Variants in ITFG1 observed in about 807,000 individuals in gnomAD.
ITFG1 encodes T-cell immunomodulatory protein.
Under a neutral mutation model 81.8 loss-of-function variants are expected in ITFG1, and 34 were observed. The observed-to-expected ratio is 0.42, with a 90% CI of 0.32 to 0.55. ITFG1 has a LOEUF of 0.55. ITFG1 is among the 20% of genes least tolerant of loss of function. The probability of loss-of-function intolerance (pLI) is 0.17; values close to 1 mark genes in which losing one functional copy is unlikely to be tolerated. For synonymous variants in ITFG1, 285 were observed against 270.6 expected, an observed-to-expected ratio of 1.05 and a Z score of -0.52; for missense variants, 672 against 755.4, an observed-to-expected ratio of 0.89 and a Z score of 1.29.
At chr16:47,208,928 G>A (rs1002526572) in intron 14 of ITFG1, among the ~76,000 whole-genome samples, 12 of 152,120 alleles carry the variant, frequency 7.9e-5, no homozygotes, top group African/African-American at 2.7e-4. Context: ...TCTGGGAATT[G>A]AGAGACAAGA....
intron 7 of ITFG1, among the ~76,000 whole-genome samples, chr16:47,370,277 C>G (rs1296081618): frequency 1.3e-5 from 2 of 152,136 alleles, no homozygotes; most frequent in African/African-American, 4.8e-5. Context: ...GGTAAAGTCC[C>G]CGACCAGAGT....
intron 10 of ITFG1, among the ~76,000 whole-genome samples, chr16:47,285,941 T>C (rs891653387): frequency 3.3e-5 from 5 of 152,188 alleles, no homozygotes; most frequent in Non-Finnish European, 5.9e-5. Flanking sequence ...TGCTAAATTA[T>C]TTGTAATTCC....
At chr16:47,438,680 T>G (rs1160730648) in intron 5 of ITFG1, among the ~76,000 whole-genome samples, 2 of 152,014 alleles carry the variant, frequency 1.3e-5, no homozygotes, top group Non-Finnish European at 2.9e-5. Context: ...AAAAAACTCA[T>G]CTATACGTCA....
chr16:47,158,731 G>T (rs1031271660), intron 17 of ITFG1, 142 bp downstream of exon 17: 2 of 489,026 alleles, frequency 4.1e-6, no homozygotes, highest in Non-Finnish European at 7.3e-6. Flanking sequence ...TCAATAAAAT[G>T]ATGCTTTGAA....
intron 6 of ITFG1, among the ~76,000 whole-genome samples, chr16:47,417,014 A>G (rs1340541215): frequency 6.6e-6 from 1 of 152,196 alleles, no homozygotes; most frequent in African/African-American, 2.4e-5. Flanking sequence ...ACTAATATGC[A>G]CTTATTTCAT....
intron 8 of ITFG1, among the ~76,000 whole-genome samples, chr16:47,345,955 T>C (rs933919570): frequency 6.6e-6 from 1 of 152,176 alleles, no homozygotes; most frequent in Non-Finnish European, 1.5e-5. Flanking sequence ...CTAGGAGACT[T>C]CAGTATCCCA....
At chr16:47,397,855 AC>A (rs974471763) in intron 6 of ITFG1, among the ~76,000 whole-genome samples, 5 of 152,188 alleles carry the variant, frequency 3.3e-5, no homozygotes, top group African/African-American at 1.2e-4. Flanking sequence ...GCAGGCAGCC[AC>A]GGGAACTAGC....
In ITFG1 at chr16:47,282,163, G is replaced by A. The variant is rs572995243; in HGVS notation, c.1071-21468C>T. Among the ~76,000 whole-genome samples, 9 of 151,548 alleles carry A rather than the reference G, an allele frequency of 5.9e-5. No individual in the cohort carries two copies. In the South Asian group the frequency reaches 8.3e-4, roughly 14 times the overall value. On this transcript the variant is annotated intron_variant, in intron 10 of 17. Coordinates refer to ENST00000320640, the MANE Select transcript of ITFG1 (RefSeq NM_030790.5). ...ATATATTGTACCCATGAGGCTGAGC[G>A]GGTATGAGGGATGAGAAATTACTAC...
intron 8 of ITFG1, among the ~76,000 whole-genome samples, chr16:47,315,696 A>C (rs1967343411): frequency 6.6e-6 from 1 of 152,050 alleles, no homozygotes; most frequent in Non-Finnish European, 1.5e-5. Context: ...AATTATCAGT[A>C]ATATTTTATA....
chr16:47,298,988 C>T (rs1967028898), intron 10 of ITFG1, among the ~76,000 whole-genome samples: 1 of 152,036 alleles, frequency 6.6e-6, no homozygotes, highest in African/African-American at 2.4e-5. Flanking sequence ...CACTCAGGCC[C>T]CCCATGGCAG....
intron 10 of ITFG1, among the ~76,000 whole-genome samples, chr16:47,274,191 A>G (rs1325023536): frequency 6.6e-6 from 1 of 151,406 alleles, no homozygotes; most frequent in African/African-American, 2.4e-5. Context: ...TGGGAGGTGG[A>G]GGTTGTGGTC....
At chr16:47,267,035 T>C (rs908611869) in intron 10 of ITFG1, among the ~76,000 whole-genome samples, 2 of 151,988 alleles carry the variant, frequency 1.3e-5, no homozygotes, top group Admixed American at 1.3e-4. Context: ...GCTGAGGGAA[T>C]TGGAGGAAAG....
intron 14 of ITFG1, among the ~76,000 whole-genome samples, chr16:47,201,526 GC>G (rs994614337): frequency 4.6e-5 from 7 of 151,954 alleles, no homozygotes; most frequent in Middle Eastern, 3.2e-3. Context: ...TTTTTATTTT[GC>G]CCTTATTTAG....
chr16:47,384,221 A>G (rs1322504550), intron 6 of ITFG1, among the ~76,000 whole-genome samples: 1 of 152,244 alleles, frequency 6.6e-6, no homozygotes, highest in Non-Finnish European at 1.5e-5. Context: ...CTGCTACCTC[A>G]GACTGAACTG....
chr16:47,421,449 C>T (rs1390430929), intron 6 of ITFG1, among the ~76,000 whole-genome samples: 2 of 151,898 alleles, frequency 1.3e-5, no homozygotes, highest in African/African-American at 2.4e-5. Flanking sequence ...GGACTACAGG[C>T]GCGTACCAAC....
At chr16:47,157,746 A>G (rs1457652491) in intron 17 of ITFG1, 1 of 152,226 alleles carries the variant, frequency 6.6e-6, no homozygotes, top group Non-Finnish European at 1.5e-5. Context: ...AGAACAACTA[A>G]TATGTTCTTT....
intron 8 of ITFG1, among the ~76,000 whole-genome samples, chr16:47,354,263 C>G (rs1355101675): frequency 6.6e-6 from 1 of 152,098 alleles, no homozygotes; most frequent in East Asian, 1.9e-4. Context: ...CTACAGCCAG[C>G]TGATCTTTGA....
intron 16 of ITFG1, 75 bp downstream of exon 16, chr16:47,161,675 C>G (rs995084599): frequency 1.0e-6 from 1 of 958,198 alleles, no homozygotes; most frequent in Non-Finnish European, 1.7e-6. Flanking sequence ...TATGAGAGAG[C>G]TTAAAAGACA....
At chr16:47,247,836 A>G (rs1304920596) in intron 12 of ITFG1, among the ~76,000 whole-genome samples, 1 of 152,142 alleles carries the variant, frequency 6.6e-6, no homozygotes, top group East Asian at 1.9e-4. Flanking sequence ...CTGGGTTTAA[A>G]GGGCTCTTTG....
Sources: allele counts gnomAD v4.1 joint callset (sites outside exome capture counted in the v4.1 genomes callset), GRCh38; gene constraint gnomAD v4.1.1; transcripts MANE v1.5; gene names NCBI Gene and HGNC (gene_info 2026-07-23, HGNC 2026-07-21).